CCDC191: variants seen among roughly 807,000 people sequenced by gnomAD.
CCDC191 encodes coiled-coil domain containing 191.
Under a neutral mutation model 114.0 loss-of-function variants are expected in CCDC191, and 99 were observed. The ratio of observed to expected loss-of-function variants is 0.87; its 90% CI spans 0.74 to 1.03. The LOEUF (loss-of-function observed/expected upper bound fraction) is 1.03, where lower values mean the gene tolerates loss of function less well. CCDC191 is among the 50% of genes least tolerant of loss of function. CCDC191 has a pLI of 0.00. For missense variants in CCDC191, 973 were observed against 1,087.0 expected (o/e 0.90, Z 1.47); for synonymous variants, 351 against 376.0 (o/e 0.93, Z 0.77).
intron 16 of CCDC191, 104 bp downstream of exon 16, chr3:113,978,082 T>C (rs1334445914): frequency 7.5e-7 from 1 of 1,329,466 alleles, no homozygotes; most frequent in East Asian, 2.3e-5. Flanking sequence ...TTCCCCGCTC[T>C]CCTAGCCTCC....
Position 114,042,795 on chromosome 3 carries a change from G to A in CCDC191, c.323C>T (p.Ala108Val). The A allele has an allele frequency of 6.2e-7, 1 of 1,600,512 alleles. No homozygotes were observed. The highest frequency in any genetic ancestry group is 2.3e-5 in the East Asian group (1 of 43,766). ...TTTAGCATCACCTTCTTCCTCACTTGCTAATTCTTGCTTAAGTTTGGTGTC... is the reference window on the plus strand; with the variant it reads ...TTTAGCATCACCTTCTTCCTCACTTACTAATTCTTGCTTAAGTTTGGTGTC... The part of the protein sequence containing the change: ...WLDTKLKQEL[A>V]SEEEGDAKNT... Residue 108 changes from alanine (A) to valine (V), a missense_variant, in exon 4 of 17, where the codon GCA becomes GTA. Ala to Val is a moderately conservative substitution (Grantham distance 64). Coordinates refer to ENST00000295878, the MANE Select transcript of CCDC191 (RefSeq NM_020817.2).
chr3:114,048,148 C>T (rs1293549378), intron 2 of CCDC191, among the ~76,000 whole-genome samples: 3 of 152,048 alleles, frequency 2.0e-5, no homozygotes, highest in Non-Finnish European at 4.4e-5. Flanking sequence ...TCTTTCTCAC[C>T]CCACATATAA....
intron 13 of CCDC191, among the ~76,000 whole-genome samples, chr3:113,990,514 C>T (rs1303076141): frequency 3.3e-5 from 5 of 151,844 alleles, no homozygotes; most frequent in Admixed American, 3.3e-4. Context: ...GTATATATTG[C>T]TCAGGTGATG....
At chr3:113,976,289 AAAAC>A (rs1323824651) in intron 16 of CCDC191, among the ~76,000 whole-genome samples, 2 of 152,006 alleles carry the variant, frequency 1.3e-5, no homozygotes, top group Admixed American at 6.6e-5. Context: ...ACAAAACACA[AAAAC>A]AAACAAAAAA....
chr3:114,007,954 T>C (rs1676943541), intron 9 of CCDC191, among the ~76,000 whole-genome samples: 1 of 150,866 alleles, frequency 6.6e-6, no homozygotes, highest in Non-Finnish European at 1.5e-5. Context: ...TTAACAATAC[T>C]GTCCTTTCTT....
intron 6 of CCDC191, 95 bp downstream of exon 6, chr3:114,034,830 G>T (rs746173008): frequency 2.1e-5 from 20 of 950,482 alleles, no homozygotes; most frequent in Non-Finnish European, 3.1e-5. Context: ...TCTATGTTTT[G>T]TTATTGAATG....
At chr3:113,976,057 G>A (rs1941306389) in intron 16 of CCDC191, among the ~76,000 whole-genome samples, 2 of 152,044 alleles carry the variant, frequency 1.3e-5, no homozygotes, top group South Asian at 4.1e-4. Flanking sequence ...TAGAGTTTGA[G>A]ATCAGCCTGG....
intron 3 of CCDC191, among the ~76,000 whole-genome samples, chr3:114,045,104 G>A (rs989335027): frequency 6.6e-6 from 1 of 152,150 alleles, no homozygotes; most frequent in Non-Finnish European, 1.5e-5. Flanking sequence ...AATGAGGCAA[G>A]TAAACATTTC....
chr3:113,979,197 C>T (rs1291155524), intron 14 of CCDC191, among the ~76,000 whole-genome samples, 187 bp from the exon 15 acceptor site: 1 of 152,196 alleles, frequency 6.6e-6, no homozygotes, highest in African/African-American at 2.4e-5. Flanking sequence ...TATAGATTCA[C>T]ATCATGCATG....
Position 114,034,975 on chromosome 3 carries a change from C to T in CCDC191, c.768G>A (p.Leu256=), listed in dbSNP as rs756998446. Residue 256 remains leucine (L), a synonymous_variant, in exon 6 of 17, where the codon CTG becomes CTA. Transcript: ENST00000295878. ...GTCTCCTCTCAATTATCTCCCTCCG[C>T]AGCTTCACCATCTCCCTTTGAATCT... The part of the protein sequence containing the change: ...EEEIQREMVK[L]RREIIERRRT... 7.4e-6 allele frequency: 12 copies of T among 1,613,972 alleles called. No homozygotes were observed. Among genetic ancestry groups the T allele is most frequent in the Non-Finnish European group, 9.3e-6 (11 of 1,179,982 alleles).
At chr3:114,037,403 T>C (rs1283404147) in intron 4 of CCDC191, among the ~76,000 whole-genome samples, 3 of 152,218 alleles carry the variant, frequency 2.0e-5, no homozygotes, top group Non-Finnish European at 4.4e-5. Context: ...TACACTTATA[T>C]ACACTGTATT....
At chr3:114,025,710 A>T (rs778091658) in intron 7 of CCDC191, among the ~76,000 whole-genome samples, 4 of 152,154 alleles carry the variant, frequency 2.6e-5, no homozygotes, top group Non-Finnish European at 5.9e-5. Flanking sequence ...TCTGGAGAAA[A>T]GGCAGACCTA....
At chr3:114,036,893 C>A (rs377232136) in intron 4 of CCDC191, 107 bp from the exon 5 acceptor site, 2 of 680,906 alleles carry the variant, frequency 2.9e-6, no homozygotes, top group Non-Finnish European at 2.2e-6. Flanking sequence ...TACAAAGCTG[C>A]GAGTGTTCAA....
chr3:114,038,253 T>C (rs2076513257), intron 4 of CCDC191, among the ~76,000 whole-genome samples: 1 of 152,344 alleles, frequency 6.6e-6, no homozygotes, highest in South Asian at 2.1e-4. Flanking sequence ...GTTCCAAAGA[T>C]AGTGGGGTAA....
At chr3:114,041,547 G>A (rs2076560588) in intron 4 of CCDC191, among the ~76,000 whole-genome samples, 1 of 152,166 alleles carries the variant, frequency 6.6e-6, no homozygotes, top group Non-Finnish European at 1.5e-5. Context: ...AAGGTGTTCA[G>A]GCAGAGGATA....
chr3:113,980,897 G>A (rs1225800065), intron 13 of CCDC191, 104 bp from the exon 14 acceptor site: 2 of 1,054,214 alleles, frequency 1.9e-6, no homozygotes, highest in African/African-American at 3.3e-5. Flanking sequence ...ATTGAATGGT[G>A]TGTTAATCAT....
chr3:114,012,762 G>A (rs2076092058), intron 8 of CCDC191, among the ~76,000 whole-genome samples: 1 of 152,148 alleles, frequency 6.6e-6, no homozygotes, highest in Non-Finnish European at 1.5e-5. Context: ...TTAATTTCCT[G>A]TTTTTACAGC....
At chr3:114,006,617 T>TAAA (rs1553747224) in intron 9 of CCDC191, among the ~76,000 whole-genome samples, 1 of 118,466 alleles carries the variant, frequency 8.4e-6, no homozygotes, top group Non-Finnish European at 1.8e-5. Context: ...TATATATATA[T>TAAA]AAATATATAT....
intron 2 of CCDC191, 37 bp downstream of exon 2, chr3:114,053,558 CTT>C (rs748968949): frequency 7.7e-7 from 1 of 1,306,832 alleles, no homozygotes. Context: ...ATGCTTGACT[CTT>C]AATACTCTTT....
Sources: gnomAD v4.1 joint callset for allele counts (sites outside exome capture counted in the v4.1 genomes callset) on GRCh38, gnomAD v4.1.1 for gene constraint, MANE v1.5 for transcripts, NCBI Gene and HGNC (gene_info 2026-07-23, HGNC 2026-07-21) for gene names.